Variants in NCR3 observed in about 807,000 individuals in gnomAD.
NCR3 encodes the protein natural cytotoxicity triggering receptor 3.
A neutral mutation model predicts 16.1 loss-of-function variants in NCR3; 13 were observed. The observed-to-expected ratio is 0.81, with a 90% CI of 0.53 to 1.28. The LOEUF is 1.28. Ranked by LOEUF, NCR3 falls within the 50% of genes most tolerant of loss-of-function variation. The pLI is 0.00. For missense variants in NCR3, 202 were observed against 256.8 expected (o/e 0.79, Z 1.46); for synonymous variants, 98 against 106.6 (o/e 0.92, Z 0.50).
At position 31,589,368 on chromosome 6, in the gene NCR3, G is replaced by C. The variant is rs997105968; in HGVS notation, c.496+158C>G. On this transcript the variant is annotated intron_variant, in intron 3 of 3. Coordinates refer to ENST00000340027, the MANE Select transcript of NCR3 (RefSeq NM_147130.3). The surrounding 1 kb of genome is among the most constrained non-coding windows in gnomAD (Gnocchi z 4.8). ...CGGGGCCCATCTGAGGAGTGGCAGT[G>C]TGTTCCCATGTGACAGTGGCCTGGT... 6.4e-7 allele frequency: 1 copy of C among 1,552,312 alleles called. No homozygotes were observed. Among genetic ancestry groups the C allele is most frequent in the African/African-American group, 1.4e-5 (1 of 73,034 alleles).
intron 1 of NCR3, among the ~76,000 whole-genome samples, chr6:31,592,220 A>G (rs1772681707): frequency 6.6e-6 from 1 of 151,540 alleles, no homozygotes; most frequent in Non-Finnish European, 1.5e-5. Context: ...ACTGCACTCC[A>G]GCCTAGGTGA....
chr6:31,589,553 C>T lies in NCR3; in HGVS notation c.469G>A (p.Gly157Ser), dbSNP rs1354029699. 1 of 1,614,060 alleles carries T rather than the reference C, an allele frequency of 6.2e-7. No individual in the cohort carries two copies. Among genetic ancestry groups the T allele is most frequent in the African/African-American group, 1.3e-5 (1 of 75,014 alleles). ...TTGCCCTGGTAATAGACGGTGCTGC[C>T]CACGGCCACAGAGAGAAAGCTGACA... ...YAVSFLSVAV[G>S]STVYYQGKCL... The change falls in exon 3 of 4, where the codon GGC becomes AGC. Residue 157 changes from glycine to serine, a missense_variant. Coordinates refer to ENST00000340027, the MANE Select transcript of NCR3 (RefSeq NM_147130.3). The surrounding 1 kb of genome is among the most constrained non-coding windows in gnomAD (Gnocchi z 4.8).
Position 31,589,681 on chromosome 6 carries a change from C to G in NCR3, c.389-48G>C. ...GGGTTGGGGAAGAAGTGCACACAGG[C>G]TCAGGGAGGGAAGGGGCCTCAGAGG... On this transcript the variant is annotated intron_variant, in intron 2 of 3. Transcript: ENST00000340027. This position sits in a 1 kb window ranked among gnomAD's most constrained non-coding sequence, Gnocchi z 4.8. 1 of 1,610,378 alleles carries G rather than the reference C, an allele frequency of 6.2e-7. No homozygotes were observed. Among genetic ancestry groups the G allele is most frequent in the Non-Finnish European group, 8.5e-7 (1 of 1,177,888 alleles).
intron 1 of NCR3, among the ~76,000 whole-genome samples, chr6:31,591,841 C>T (rs1772654082): frequency 6.6e-6 from 1 of 151,528 alleles, no homozygotes; most frequent in Non-Finnish European, 1.5e-5. Context: ...ACCAGGCGGG[C>T]GCAGTGGCTC....
chr6:31,589,670 G>A lies in NCR3; in HGVS notation c.389-37C>T. ...AATGGAGACGGGGGTTGGGGAAGAAGTGCACACAGGCTCAGGGAGGGAAGG... is the reference window on the plus strand; with the variant it reads ...AATGGAGACGGGGGTTGGGGAAGAAATGCACACAGGCTCAGGGAGGGAAGG... On this transcript the variant is annotated intron_variant, in intron 2 of 3. Coordinates refer to ENST00000340027, the MANE Select transcript of NCR3 (RefSeq NM_147130.3). The surrounding 1 kb of genome is among the most constrained non-coding windows in gnomAD (Gnocchi z 4.8). The A allele has an allele frequency of 6.2e-7, 1 of 1,611,710 alleles. No homozygotes were observed. Among genetic ancestry groups the A allele is most frequent in the Non-Finnish European group, 8.5e-7 (1 of 1,178,808 alleles).
In NCR3 at chr6:31,588,949, G is replaced by A; in HGVS notation, c.*118C>T. The A allele has an allele frequency of 8.5e-7, 1 of 1,179,372 alleles. No individual in the cohort carries two copies. Among genetic ancestry groups the A allele is most frequent in the East Asian group, 2.6e-5 (1 of 38,880 alleles). The allele number at this position is 1,179,372 out of a possible 1,614,324, so 73.1% of individuals were successfully genotyped here. ...AGTAATTTATTGGGTGAATGACAGT[G>A]TTCAGGGACCCAAGCTCCCCTAACA... is the stretch of plus-strand genomic sequence containing the variant. On this transcript the variant is annotated 3_prime_UTR_variant, in exon 4 of 4. Coordinates refer to ENST00000340027, the MANE Select transcript of NCR3 (RefSeq NM_147130.3).
chr6:31,589,087 G>A lies in NCR3; in HGVS notation c.586C>T (p.Pro196Ser), dbSNP rs1315582906. ...PPCGSSAHLL[P>S]PVPGG ...CAGGCTCAGCCTCCTGGGACTGGGG[G>A]AAGCAGATGTGCTGAGCTCCCACAT... The change falls in exon 4 of 4, where the codon CCC becomes TCC. Residue 196 changes from proline (P) to serine (S), a missense_variant. Pro to Ser is a moderately conservative substitution (Grantham distance 74, BLOSUM62 -1). Transcript: ENST00000340027. This position sits in a 1 kb window ranked among gnomAD's most constrained non-coding sequence, Gnocchi z 4.8. 1 of 1,598,728 alleles carries A rather than the reference G, an allele frequency of 6.3e-7. No individual in the cohort carries two copies. Among genetic ancestry groups the A allele is most frequent in the Non-Finnish European group, 8.5e-7 (1 of 1,171,804 alleles).
At chr6:31,591,118 T>C (rs1470311957) in intron 1 of NCR3, among the ~76,000 whole-genome samples, 2 of 152,188 alleles carry the variant, frequency 1.3e-5, no homozygotes, top group African/African-American at 4.8e-5. Context: ...TCTCAAGTGA[T>C]CCACCTGCCT....
Position 31,589,955 on chromosome 6 carries a change from T to C in NCR3, c.215A>G (p.Glu72Gly). The C allele has an allele frequency of 6.2e-7, 1 of 1,613,070 alleles. No homozygotes were observed. The highest frequency in any genetic ancestry group is 8.5e-7 in the Non-Finnish European group (1 of 1,180,034). ...PGKEVRNGTP[E>G]FRGRLAPLAS... ...AAGTGGGGCCAGGCGGCCCCTGAACTCTGGGGTTCCATTCCTCACCTCCTT... is the reference window on the plus strand; with the variant it reads ...AAGTGGGGCCAGGCGGCCCCTGAACCCTGGGGTTCCATTCCTCACCTCCTT... Residue 72 changes from glutamate to glycine, a missense_variant, in exon 2 of 4, where the codon GAG (glutamate) becomes GGG (glycine). Coordinates refer to ENST00000340027, the MANE Select transcript of NCR3 (RefSeq NM_147130.3). This position sits in a 1 kb window ranked among gnomAD's most constrained non-coding sequence, Gnocchi z 4.8.
At position 31,588,916 on chromosome 6, in the gene NCR3, G is replaced by C. The variant is rs1772347427; in HGVS notation, c.*151C>G. On this transcript the variant is annotated 3_prime_UTR_variant, in exon 4 of 4. Transcript: ENST00000340027. ...TGGCTCACCCTTCCACCCACTCTGG[G>C]GTCAAATAGTAATTTATTGGGTGAA... 1 of 967,886 alleles carries C rather than the reference G, an allele frequency of 1.0e-6. No individual in the cohort carries two copies. Among genetic ancestry groups the C allele is most frequent in the Non-Finnish European group, 1.5e-6 (1 of 662,432 alleles). 60.0% of individuals were successfully genotyped at this position (967,886 alleles called of 1,614,324 possible).
intron 1 of NCR3, among the ~76,000 whole-genome samples, chr6:31,592,140 CCT>C (rs9279361): frequency 0.011 from 1,726 of 152,002 alleles, 18 homozygotes; most frequent in Middle Eastern, 0.027. Context: ...ATCCCAGCTA[CCT>C]AGGAGGCTGA....
Position 31,589,521 on chromosome 6 carries a change from C to G in NCR3, c.496+5G>C. 1 of 1,614,032 alleles carries G rather than the reference C, an allele frequency of 6.2e-7. No individual in the cohort carries two copies. Among genetic ancestry groups the G allele is most frequent in the Non-Finnish European group, 8.5e-7 (1 of 1,179,986 alleles). ...TCCACTATTGCCCCTGGCTCCATTA[C>G]TCACATTTGCCCTGGTAATAGACGG... is the stretch of plus-strand genomic sequence containing the variant. On this transcript the variant is annotated splice_donor_5th_base_variant and intron_variant, in intron 3 of 3. Coordinates refer to ENST00000340027, the MANE Select transcript of NCR3 (RefSeq NM_147130.3). The surrounding 1 kb of genome is among the most constrained non-coding windows in gnomAD (Gnocchi z 4.8).
At chr6:31,592,535 CA>C in intron 1 of NCR3, 143 bp downstream of exon 1, 1 of 785,402 alleles carries the variant, frequency 1.3e-6, no homozygotes, top group South Asian at 1.6e-5. Flanking sequence ...CACTGAGTGT[CA>C]CCTTTGGAGC....
rs778107835 is a variant in NCR3 at position 31,590,021 on chromosome 6, A to G, written c.149T>C (p.Ile50Thr). ...SFNASQGRLA[I>T]GSVTWFRDEV... ...ATCTCGGAACCACGTGACGGAGCCA[A>G]TGGCCAGTCTCCCTTGGCTGGCATT... is the stretch of plus-strand genomic sequence containing the variant. Residue 50 changes from isoleucine (I) to threonine (T), a missense_variant, in exon 2 of 4, where the codon ATT becomes ACT. Physicochemically the swap from Ile to Thr is moderately conservative, Grantham distance 89. Coordinates refer to ENST00000340027, the MANE Select transcript of NCR3 (RefSeq NM_147130.3). The G allele has an allele frequency of 8.7e-6, 14 of 1,613,054 alleles. No individual in the cohort carries two copies. The highest frequency in any genetic ancestry group is 1.1e-5 in the Non-Finnish European group (13 of 1,180,014).
At chr6:31,591,538 G>A (rs1000229937) in intron 1 of NCR3, among the ~76,000 whole-genome samples, 6 of 152,212 alleles carry the variant, frequency 3.9e-5, no homozygotes, top group African/African-American at 9.7e-5. Flanking sequence ...AGTTTCGGCC[G>A]GGTGCAGTGG....
intron 1 of NCR3, among the ~76,000 whole-genome samples, chr6:31,592,411 C>CAAAA (rs9281528): frequency 1.2e-5 from 1 of 82,376 alleles, no homozygotes. Context: ...GACTCAGTCT[C>CAAAA]AAAAAAAAAA....
intron 1 of NCR3, among the ~76,000 whole-genome samples, chr6:31,591,561 A>T (rs1772633630): frequency 6.6e-6 from 1 of 152,230 alleles, no homozygotes; most frequent in Non-Finnish European, 1.5e-5. Flanking sequence ...CACGCCTATA[A>T]TCCCAACACT....
chr6:31,592,622 C>T, intron 1 of NCR3, 57 bp downstream of exon 1: 1 of 1,602,544 alleles, frequency 6.2e-7, no homozygotes, highest in South Asian at 1.1e-5. Flanking sequence ...GTCCAGCCTC[C>T]TGGATCTCCC....
At position 31,589,616 on chromosome 6, in the gene NCR3, C is replaced by T. The variant is rs149793948; in HGVS notation, c.406G>A (p.Ala136Thr). ...VVEKEHPQLG[A>T]GTVLLLRAGF... ...GCCCGAAGGAGGAGGACTGTACCAG[C>T]CCCTAGCTGAGGATGTTCTGCATGG... Residue 136 changes from alanine to threonine, a missense_variant, in exon 3 of 4, where the codon GCT (alanine) becomes ACT (threonine). By Grantham distance (58) the Ala-to-Thr change is moderately conservative. Coordinates refer to ENST00000340027, the MANE Select transcript of NCR3 (RefSeq NM_147130.3). This position sits in a 1 kb window ranked among gnomAD's most constrained non-coding sequence, Gnocchi z 4.8. 8.5e-4 allele frequency: 1,374 copies of T among 1,613,730 alleles called. No individual in the cohort carries two copies. The highest frequency in any genetic ancestry group is 1.1e-3 in the Admixed American group (66 of 60,018).
Sources: allele counts gnomAD v4.1 joint callset (sites outside exome capture counted in the v4.1 genomes callset), GRCh38; gene constraint gnomAD v4.1.1; non-coding constraint Gnocchi (gnomAD v3.1); transcripts MANE v1.5; gene names NCBI Gene and HGNC (gene_info 2026-07-23, HGNC 2026-07-21).